The following LCA5 variants were observed in gnomAD, a reference collection of about 807,000 sequenced individuals.
LCA5 encodes lebercilin.
In LCA5, 37 loss-of-function variants were observed where a neutral mutation model predicts 53.0. The ratio of observed to expected loss-of-function variants is 0.70; its 90% confidence interval spans 0.54 to 0.92. LCA5 has a LOEUF of 0.92. LCA5 is among the 40% of genes least tolerant of loss of function. The pLI, the probability that LCA5 is intolerant of heterozygous loss-of-function variation, is 0.00. For missense variants in LCA5, 806 were observed against 790.5 expected (o/e 1.02, Z -0.23); for synonymous variants, 303 against 282.9 (o/e 1.07, Z -0.71).
Position 79,489,342 on chromosome 6 carries a change from T to A in LCA5, c.1099-126A>T, listed in dbSNP as rs552012797. 3.2e-5 allele frequency: 30 copies of A among 950,786 alleles called. No homozygotes were observed. In the African/African-American group the frequency reaches 4.6e-4, roughly 15 times the overall value. 58.9% of individuals were successfully genotyped at this position (950,786 alleles called of 1,614,324 possible). A position where few individuals can be genotyped will look rare whatever the true frequency, so the allele number is the denominator to read the frequency against. ...AAAATTAATACAAATTTTCAATTAATGAATCAGTAAATCACAAGTTATCAC... is the reference window on the plus strand; with the variant it reads ...AAAATTAATACAAATTTTCAATTAAAGAATCAGTAAATCACAAGTTATCAC... On this transcript the variant is annotated intron_variant, in intron 6 of 7. Transcript: ENST00000369846.
intron 2 of LCA5, among the ~76,000 whole-genome samples, chr6:79,517,965 T>C (rs897605421): frequency 5.9e-5 from 9 of 152,300 alleles, no homozygotes; most frequent in African/African-American, 1.9e-4. Flanking sequence ...GTGCTACTTT[T>C]ATTAATGGGT....
At chr6:79,523,791 G>GC (rs908893148) in intron 1 of LCA5, among the ~76,000 whole-genome samples, 3 of 151,980 alleles carry the variant, frequency 2.0e-5, no homozygotes, top group African/African-American at 4.8e-5. Flanking sequence ...TTCTCTCCCT[G>GC]CCCCCCCTCA....
At chr6:79,493,899 A>G (rs1769909998) in intron 3 of LCA5, 149 bp from the exon 4 acceptor site, 1 of 608,866 alleles carries the variant, frequency 1.6e-6, no homozygotes, top group Non-Finnish European at 2.8e-6. Context: ...ATAAGCTGGG[A>G]AACAGATTTA....
At chr6:79,492,432 A>T (rs1034766139) in intron 5 of LCA5, 119 bp downstream of exon 5, 15 of 481,070 alleles carry the variant, frequency 3.1e-5, no homozygotes, top group African/African-American at 3.0e-4. Context: ...TGCAACAAAT[A>T]CATTTATTTT....
chr6:79,500,895 C>G (rs1387001023), intron 3 of LCA5, among the ~76,000 whole-genome samples: 1 of 151,510 alleles, frequency 6.6e-6, no homozygotes, highest in East Asian at 1.9e-4. Flanking sequence ...TTTTTGACCC[C>G]CTGGTTATCC....
chr6:79,490,781 T>C (rs1314043002), intron 6 of LCA5, among the ~76,000 whole-genome samples: 4 of 152,238 alleles, frequency 2.6e-5, no homozygotes, highest in East Asian at 3.9e-4. Flanking sequence ...GGGAAACTTA[T>C]AAGGTATAAA....
At chr6:79,504,238 A>G (rs1770218102) in intron 3 of LCA5, among the ~76,000 whole-genome samples, 1 of 152,176 alleles carries the variant, frequency 6.6e-6, no homozygotes, top group Non-Finnish European at 1.5e-5. Flanking sequence ...CCATTAGTAT[A>G]CTAACATACA....
At chr6:79,522,480 A>G (rs1766653005) in intron 1 of LCA5, among the ~76,000 whole-genome samples, 2 of 152,092 alleles carry the variant, frequency 1.3e-5, no homozygotes, top group Non-Finnish European at 2.9e-5. Flanking sequence ...AGAAGCAATC[A>G]GAAAAAATCC....
At chr6:79,504,601 A>T (rs1012645628) in intron 3 of LCA5, among the ~76,000 whole-genome samples, 1 of 152,202 alleles carries the variant, frequency 6.6e-6, no homozygotes, top group African/African-American at 2.4e-5. Flanking sequence ...AGAGTATCTA[A>T]CAGTCTGTTT....
Sources: allele counts gnomAD v4.1 joint callset (sites outside exome capture counted in the v4.1 genomes callset), GRCh38; gene constraint gnomAD v4.1.1; transcripts MANE v1.5; gene names NCBI Gene and HGNC (gene_info 2026-07-23, HGNC 2026-07-21).